The following TRPV2 variants were observed in gnomAD, a reference collection of about 807,000 sequenced individuals.
TRPV2 encodes the protein transient receptor potential cation channel subfamily V member 2.
Under a neutral mutation model 91.0 loss-of-function variants are expected in TRPV2, and 58 were observed. That is an observed-to-expected ratio of 0.64 (90% CI 0.52 to 0.79). The LOEUF (loss-of-function observed/expected upper bound fraction) is 0.79. Ranked by LOEUF, TRPV2 falls within the 30% of genes least tolerant of loss-of-function variation. TRPV2 has a pLI of 0.00. For synonymous variants in TRPV2, 417 were observed against 414.8 expected (o/e 1.01, Z -0.06); for missense variants, 807 against 969.6 (o/e 0.83, Z 2.23).
intron 5 of TRPV2, among the ~76,000 whole-genome samples, chr17:16,425,022 A>ATTTTTTT (rs11329557): frequency 8.6e-6 from 1 of 116,046 alleles, no homozygotes; most frequent in Non-Finnish European, 1.7e-5. Flanking sequence ...TTGCAGCTGC[A>ATTTTTTT]TTTTTTTTTT....
At chr17:16,425,328 G>A (rs1265821055) in intron 5 of TRPV2, among the ~76,000 whole-genome samples, 1 of 152,170 alleles carries the variant, frequency 6.6e-6, no homozygotes, top group Non-Finnish European at 1.5e-5. Context: ...CCAGCCTGCA[G>A]CTGCATTTTT....
intron 10 of TRPV2, among the ~76,000 whole-genome samples, chr17:16,431,292 T>TATATATATATACA (rs1491493192): frequency 1.2e-4 from 2 of 16,290 alleles, no homozygotes; most frequent in African/African-American, 6.7e-4. Flanking sequence ...TATATACATA[T>TATATATATATACA]TTTTTTTTTT....
intron 5 of TRPV2, among the ~76,000 whole-genome samples, chr17:16,424,282 T>G (rs2142992737): frequency 6.6e-6 from 1 of 151,818 alleles, no homozygotes; most frequent in South Asian, 2.1e-4. Flanking sequence ...CTCAGCCCCC[T>G]GAGTAGCTGG....
intron 10 of TRPV2, among the ~76,000 whole-genome samples, chr17:16,429,533 C>G (rs1385432296): frequency 1.3e-5 from 2 of 152,204 alleles, no homozygotes; most frequent in African/African-American, 4.8e-5. Flanking sequence ...TGCAGAATGG[C>G]TGGGACCAAG....
At chr17:16,431,656 A>C in intron 10 of TRPV2, 128 bp from the exon 11 acceptor site, 1 of 789,630 alleles carries the variant, frequency 1.3e-6, no homozygotes, top group Non-Finnish European at 2.2e-6. Context: ...ACAGGCCCAC[A>C]TATGCATATG....
intron 10 of TRPV2, among the ~76,000 whole-genome samples, chr17:16,431,275 ATATATATATATACATATT>A (rs1187781886): frequency 1.3e-5 from 1 of 74,810 alleles, no homozygotes; most frequent in African/African-American, 5.9e-5. Flanking sequence ...ATATATATAT[ATATATATATATACATATT>A]TTTTTTTTTT....
At chr17:16,416,719 G>GCATGGTGTCAGAT (rs2093332325) in intron 1 of TRPV2, 1 of 152,272 alleles carries the variant, frequency 6.6e-6, no homozygotes, top group African/African-American at 2.4e-5. Flanking sequence ...CATGGTAGAC[G>GCATGGTGTCAGAT]CATGGTGTCA....
At position 16,426,002 on chromosome 17, in the gene TRPV2, C is replaced by T. The variant is rs1046434214; in HGVS notation, c.925-97C>T. ...ACGTGTCAGCTGCAGCTCTGCAGACCGTGGGCAGCTGCTGAGTCCTGGGTG... is the reference window on the plus strand; with the variant it reads ...ACGTGTCAGCTGCAGCTCTGCAGACTGTGGGCAGCTGCTGAGTCCTGGGTG... On this transcript the variant is annotated intron_variant, in intron 5 of 14. Coordinates refer to ENST00000338560, the MANE Select transcript of TRPV2 (RefSeq NM_016113.5). The surrounding 1 kb of genome is among the most constrained non-coding windows in gnomAD (Gnocchi z 6.0). The T allele has an allele frequency of 2.2e-5, 31 of 1,378,440 alleles. No individual in the cohort carries two copies. Among genetic ancestry groups the T allele is most frequent in the Middle Eastern group, 1.8e-4 (1 of 5,526 alleles). The allele number at this position is 1,378,440 out of a possible 1,614,324, so 85.4% of individuals were successfully genotyped here. A position where few individuals can be genotyped will look rare whatever the true frequency, so the allele number is the denominator to read the frequency against.
chr17:16,417,802 G>T lies in TRPV2; in HGVS notation c.134G>T (p.Gly45Val), dbSNP rs755825543. 1.9e-6 allele frequency: 3 copies of T among 1,614,090 alleles called. No individual in the cohort carries two copies. In the South Asian group the frequency reaches 3.3e-5, roughly 18 times the overall value. The change falls in exon 2 of 15, where the codon GGC becomes GTC. Residue 45 changes from glycine (G) to valine (V), a missense_variant. Coordinates refer to ENST00000338560, the MANE Select transcript of TRPV2 (RefSeq NM_016113.5). ...GLPPMESQFQ[G>V]EDRKFAPQIR... ...CCTCCCATGGAGTCACAGTTCCAGG[G>T]CGAGGACCGGAAATTCGCCCCTCAG... is the stretch of plus-strand genomic sequence containing the variant.
At chr17:16,425,900 G>A (rs1004193732) in intron 5 of TRPV2, among the ~76,000 whole-genome samples, 199 bp from the exon 6 acceptor site, 1 of 152,206 alleles carries the variant, frequency 6.6e-6, no homozygotes, top group Non-Finnish European at 1.5e-5. Context: ...CTGGCAGGCT[G>A]GGGCAGATGT....
rs777434536 is a variant in TRPV2, at chr17:16,426,351, A to G, written c.1095+82A>G. 88 of 1,517,386 alleles carry G rather than the reference A, an allele frequency of 5.8e-5. No individual in the cohort carries two copies. The highest frequency in any genetic ancestry group is 7.5e-5 in the Non-Finnish European group (84 of 1,118,920). 94.0% of individuals were successfully genotyped at this position (1,517,386 alleles called of 1,614,324 possible). On this transcript the variant is annotated intron_variant, in intron 6 of 14. Coordinates refer to ENST00000338560, the MANE Select transcript of TRPV2 (RefSeq NM_016113.5). This position sits in a 1 kb window ranked among gnomAD's most constrained non-coding sequence, Gnocchi z 6.0. ...TCCACAAATTGGGGCTGCCTGCTGGACCATATCTGCCCCATTCCTGTGCCA... is the reference window on the plus strand; with the variant it reads ...TCCACAAATTGGGGCTGCCTGCTGGGCCATATCTGCCCCATTCCTGTGCCA...
chr17:16,436,796 C>T lies in TRPV2; in HGVS notation c.2202C>T (p.Leu734=), dbSNP rs746352696. ...CTTGCCATCTGTTTACAGGAACTCT[C>T]GAGAACCCTGTCCTGGCTTCCCCTC... ...DPSGAGVPRT[L]ENPVLASPPK... is the part of the protein sequence containing the mutation. Residue 734 remains leucine, a synonymous_variant, in exon 15 of 15, where the codon CTC becomes CTT. Transcript: ENST00000338560. The T allele has an allele frequency of 6.2e-6, 10 of 1,613,470 alleles. No individual in the cohort carries two copies. Among genetic ancestry groups the T allele is most frequent in the South Asian group, 4.4e-5 (4 of 91,062 alleles).
chr17:16,416,326 T>C, intron 1 of TRPV2: 1 of 156,262 alleles, frequency 6.4e-6, no homozygotes, highest in Non-Finnish European at 1.4e-5. Context: ...CTCTCTGCTC[T>C]CTGCCCCCTG....
At chr17:16,431,690 C>T (rs1381815798) in intron 10 of TRPV2, 94 bp from the exon 11 acceptor site, 3 of 1,144,640 alleles carry the variant, frequency 2.6e-6, no homozygotes, top group African/African-American at 3.0e-5. Flanking sequence ...GTGCAGTGTA[C>T]ACGGGAACCA....
At chr17:16,428,267 G>T in intron 8 of TRPV2, 50 bp from the exon 9 acceptor site, 4 of 1,577,220 alleles carry the variant, frequency 2.5e-6, no homozygotes, top group Non-Finnish European at 3.5e-6. Flanking sequence ...CCAGCAGGGG[G>T]CATGCGGGAG....
At chr17:16,423,865 T>TGAAAA in intron 5 of TRPV2, 98 bp downstream of exon 5, 5 of 1,220,942 alleles carry the variant, frequency 4.1e-6, no homozygotes, top group Non-Finnish European at 5.5e-6. Flanking sequence ...TGAAGAGCAG[T>TGAAAA]GGCTTCTCTG....
At chr17:16,431,908 C>T (rs369601352) in intron 11 of TRPV2, 58 bp downstream of exon 11, 2 of 1,613,124 alleles carry the variant, frequency 1.2e-6, no homozygotes, top group African/African-American at 1.3e-5. Flanking sequence ...ACCCTGTACA[C>T]TCCCAAGGCT....
At chr17:16,419,223 T>C (rs1346966760) in intron 2 of TRPV2, 3 of 422,738 alleles carry the variant, frequency 7.1e-6, no homozygotes, top group African/African-American at 4.2e-5. Flanking sequence ...GCCCCTGTGA[T>C]TAGTAACACA....
At position 16,428,884 on chromosome 17, in the gene TRPV2, C is replaced by A; in HGVS notation, c.1489C>A (p.Pro497Thr). 6.2e-7 allele frequency: 1 copy of A among 1,614,122 alleles called. No homozygotes were observed. The highest frequency in any genetic ancestry group is 1.1e-5 in the South Asian group (1 of 91,074). Residue 497 changes from proline to threonine, a missense_variant, in exon 10 of 15, where the codon CCC becomes ACC. Transcript: ENST00000338560. ...TTTCCTGGCCATCGAGTGGTACCTGCCCCTGCTTGTGTCTGCGCTGGTGCT... is the reference window on the plus strand; with the variant it reads ...TTTCCTGGCCATCGAGTGGTACCTGACCCTGCTTGTGTCTGCGCTGGTGCT... ...LCFLAIEWYL[P>T]LLVSALVLGW... is the part of the protein sequence containing the mutation.
Sources: gnomAD v4.1 joint callset for allele counts (sites outside exome capture counted in the v4.1 genomes callset) on GRCh38, gnomAD v4.1.1 for gene constraint, Gnocchi (gnomAD v3.1) non-coding constraint, MANE v1.5 for transcripts, NCBI Gene and HGNC (gene_info 2026-07-23, HGNC 2026-07-21) for gene names.